The following THRB variants were observed in gnomAD, a reference collection of about 807,000 sequenced individuals.
THRB encodes thyroid hormone receptor beta.
Under a neutral mutation model 47.8 loss-of-function variants are expected in THRB, and 12 were observed. The ratio of observed to expected loss-of-function variants is 0.25; its 90% CI spans 0.16 to 0.41. THRB has a LOEUF of 0.41. THRB is among the 10% of genes least tolerant of loss of function. The pLI is 1.00. For missense variants in THRB, 348 were observed against 589.2 expected, an observed-to-expected ratio of 0.59 and a Z score of 4.24; for synonymous variants, 218 against 212.2, an observed-to-expected ratio of 1.03 and a Z score of -0.24.
chr3:24,302,352 G>C (rs1041139138), intron 2 of THRB, among the ~76,000 whole-genome samples: 2 of 151,858 alleles, frequency 1.3e-5, no homozygotes, highest in Non-Finnish European at 2.9e-5. Flanking sequence ...TAGTTTCCCT[G>C]GGTTTTTATA....
intron 1 of THRB, among the ~76,000 whole-genome samples, chr3:24,464,587 A>C (rs2073983739): frequency 6.6e-6 from 1 of 152,176 alleles, no homozygotes; most frequent in African/African-American, 2.4e-5. Flanking sequence ...CTTTCTTTTT[A>C]AGCTGAAGAA....
At chr3:24,356,966 A>C (rs370085051) in intron 1 of THRB, among the ~76,000 whole-genome samples, 15 of 151,938 alleles carry the variant, frequency 9.9e-5, no homozygotes, top group African/African-American at 3.6e-4. Context: ...GTAAAGACTT[A>C]GAATAAATTA....
At position 24,376,051 on chromosome 3, in the gene THRB, C is replaced by T. The variant is rs114414766; in HGVS notation, c.-260-38680G>A. On this transcript the variant is annotated intron_variant, in intron 1 of 10. Transcript: ENST00000646209. ...TGTCCTCAGTATTTGAGAAAACTTT[C>T]TGTAAATATGAAGTAGCTTTGTAGA... Among the ~76,000 whole-genome samples the T allele has an allele frequency of 7.6e-3, 1,164 of 152,228 alleles. 17 individuals carry two copies. Among genetic ancestry groups the T allele is most frequent in the African/African-American group, 0.027 (1,109 of 41,552 alleles).
intron 1 of THRB, among the ~76,000 whole-genome samples, chr3:24,378,722 G>T (rs1316240899): frequency 1.3e-5 from 2 of 151,778 alleles, no homozygotes; most frequent in African/African-American, 2.4e-5. Flanking sequence ...CAACTAAAAA[G>T]CTCATTAATA....
chr3:24,204,215 T>A (rs2149764615), intron 4 of THRB, among the ~76,000 whole-genome samples: 1 of 152,306 alleles, frequency 6.6e-6, no homozygotes, highest in South Asian at 2.1e-4. Flanking sequence ...CTCAAGTGGG[T>A]CCCCGACCCC....
chr3:24,304,379 T>C (rs954757348), intron 2 of THRB, among the ~76,000 whole-genome samples: 18 of 152,090 alleles, frequency 1.2e-4, no homozygotes, highest in Admixed American at 5.2e-4. Context: ...AATAAAGCAA[T>C]AGCTAGTAAA....
chr3:24,325,405 G>A (rs1331121368), intron 2 of THRB, among the ~76,000 whole-genome samples: 2 of 152,206 alleles, frequency 1.3e-5, no homozygotes, highest in Non-Finnish European at 2.9e-5. Flanking sequence ...AGCAAGGAGA[G>A]GCCGGGTGCA....
At chr3:24,199,803 G>T (rs928597261) in intron 4 of THRB, among the ~76,000 whole-genome samples, 1 of 152,096 alleles carries the variant, frequency 6.6e-6, no homozygotes, top group Admixed American at 6.5e-5. Flanking sequence ...ACAAAACAAC[G>T]TGTGTTCAAA....
At chr3:24,389,483 G>A (rs1210850001) in intron 1 of THRB, among the ~76,000 whole-genome samples, 1 of 152,194 alleles carries the variant, frequency 6.6e-6, no homozygotes, top group African/African-American at 2.4e-5. Context: ...AGAAAGAAAT[G>A]TAGTTAAGGT....
chr3:24,194,455 A>G (rs1357149880), intron 4 of THRB, among the ~76,000 whole-genome samples: 5 of 152,198 alleles, frequency 3.3e-5, no homozygotes, highest in South Asian at 2.1e-4. Flanking sequence ...CTGGCTTTCA[A>G]TACTTCACAT....
chr3:24,125,582 C>G (rs1311497089), intron 10 of THRB, among the ~76,000 whole-genome samples: 1 of 152,104 alleles, frequency 6.6e-6, no homozygotes, highest in Non-Finnish European at 1.5e-5. Flanking sequence ...ACAAGGAGTC[C>G]TTGGATAAGC....
rs918300335 is a variant in THRB, at chr3:24,121,159, A to G, written c.*1725T>C. ...TTTTTTTTTTCCCCTTGAAATTCAG[A>G]CAATATTAAGGGCAGGAAGGGTTTT... On this transcript the variant is annotated 3_prime_UTR_variant, in exon 11 of 11. Transcript: ENST00000646209. 1 of 152,194 alleles carries G rather than the reference A, an allele frequency of 6.6e-6. No homozygotes were observed. The highest frequency in any genetic ancestry group is 1.5e-5 in the Non-Finnish European group (1 of 68,016). The allele number at this position is 152,194 out of a possible 1,614,324, so 9.4% of individuals were successfully genotyped here. A position where few individuals can be genotyped will look rare whatever the true frequency, so the allele number is the denominator to read the frequency against.
At chr3:24,330,903 A>C (rs1004271398) in intron 2 of THRB, among the ~76,000 whole-genome samples, 3 of 152,230 alleles carry the variant, frequency 2.0e-5, no homozygotes, top group Non-Finnish European at 2.9e-5. Context: ...CTTGAAGCTA[A>C]GGGTGTCAAA....
chr3:24,197,209 C>A (rs1014287927), intron 4 of THRB, among the ~76,000 whole-genome samples: 1 of 152,242 alleles, frequency 6.6e-6, no homozygotes, highest in Non-Finnish European at 1.5e-5. Flanking sequence ...CCAAAAGCCA[C>A]TGGTCTGCTA....
intron 3 of THRB, among the ~76,000 whole-genome samples, chr3:24,291,471 T>TC (rs1260753939): frequency 6.7e-6 from 1 of 148,280 alleles, no homozygotes; most frequent in Admixed American, 6.7e-5. Flanking sequence ...CCAGAGATGC[T>TC]CAAGTCCCTT....
At chr3:24,226,170 G>A (rs945511029) in intron 4 of THRB, among the ~76,000 whole-genome samples, 6 of 152,098 alleles carry the variant, frequency 3.9e-5, no homozygotes, top group Non-Finnish European at 8.8e-5. Context: ...TTTCATAAGG[G>A]TTTAATTGAT....
At chr3:24,435,604 G>A (rs948808842) in intron 1 of THRB, among the ~76,000 whole-genome samples, 5 of 152,106 alleles carry the variant, frequency 3.3e-5, no homozygotes, top group African/African-American at 1.2e-4. Context: ...CAAAGTATGG[G>A]TATATTTGCT....
rs138359636 is a variant in THRB, at chr3:24,297,391, C to T, written c.-188-20G>A. ...GGCGAGCTGCAGAAAGGAATTTCTG[C>T]ATTATTGTGATCATCTATTTCATTG... On this transcript the variant is annotated intron_variant, in intron 2 of 10. Coordinates refer to ENST00000646209, the MANE Select transcript of THRB (RefSeq NM_001354712.2). The T allele has an allele frequency of 5.8e-4, 89 of 152,314 alleles. 1 individual carries two copies. The highest frequency in any genetic ancestry group is 2.1e-3 in the African/African-American group (88 of 41,562). The allele number at this position is 152,314 out of a possible 1,614,324, so 9.4% of individuals were successfully genotyped here.
At chr3:24,143,859 C>T (rs1456100302) in intron 7 of THRB, 153 bp from the exon 8 acceptor site, 3 of 718,760 alleles carry the variant, frequency 4.2e-6, no homozygotes, top group East Asian at 2.7e-5. Flanking sequence ...TTTCTCTCCT[C>T]ACCAGCAAAC....
Sources: allele counts gnomAD v4.1 joint callset (sites outside exome capture counted in the v4.1 genomes callset), GRCh38; gene constraint gnomAD v4.1.1; transcripts MANE v1.5; gene names NCBI Gene and HGNC (gene_info 2026-07-23, HGNC 2026-07-21).